Variants in CECR2 observed in about 807,000 individuals in gnomAD.
CECR2 encodes chromatin remodeling regulator CECR2.
A neutral mutation model predicts 154.5 loss-of-function variants in CECR2; 30 were observed. The ratio of observed to expected loss-of-function variants is 0.19; its 90% CI spans 0.15 to 0.26. CECR2 has a LOEUF of 0.26. Ranked by LOEUF, CECR2 falls within the 10% of genes least tolerant of loss-of-function variation. CECR2 has a pLI of 1.00. For missense variants in CECR2, 1,743 were observed against 1,829.3 expected, an observed-to-expected ratio of 0.95 and a Z score of 0.86; for synonymous variants, 725 against 683.7, an observed-to-expected ratio of 1.06 and a Z score of -0.94.
chr22:17,477,055 G>C (rs772973636), intron 1 of CECR2: 1 of 711,208 alleles, frequency 1.4e-6, no homozygotes, highest in Non-Finnish European at 2.6e-6. Context: ...AGCCATGTAG[G>C]TGTGGCATCC....
chr22:17,431,960 T>C (rs1007588135), intron 1 of CECR2, among the ~76,000 whole-genome samples: 4 of 152,294 alleles, frequency 2.6e-5, no homozygotes, highest in Middle Eastern at 3.4e-3. Context: ...CCCCATCCTC[T>C]GGAAACCACT....
intron 3 of CECR2, among the ~76,000 whole-genome samples, chr22:17,498,906 A>G (rs1377197809): frequency 6.6e-6 from 1 of 152,180 alleles, no homozygotes; most frequent in Non-Finnish European, 1.5e-5. Context: ...TGTTCCTCAA[A>G]GTAGGTACCA....
chr22:17,414,043 G>A (rs568941877), intron 1 of CECR2, among the ~76,000 whole-genome samples: 11 of 150,756 alleles, frequency 7.3e-5, no homozygotes, highest in East Asian at 3.9e-4. Flanking sequence ...TGCAATCTCC[G>A]CTCACTGCAA....
chr22:17,498,788 G>A (rs1023183633), intron 3 of CECR2, among the ~76,000 whole-genome samples: 10 of 121,930 alleles, frequency 8.2e-5, no homozygotes, highest in African/African-American at 2.2e-4. Context: ...TAAAACAACC[G>A]CTCCCAGCCA....
chr22:17,378,834 CT>C (rs1210617674), intron 1 of CECR2, among the ~76,000 whole-genome samples: 3 of 152,126 alleles, frequency 2.0e-5, no homozygotes, highest in Non-Finnish European at 4.4e-5. Flanking sequence ...ATTTTTTCCC[CT>C]AAATGCAAAC....
chr22:17,385,507 G>A (rs114527663), intron 1 of CECR2, among the ~76,000 whole-genome samples: 2 of 152,154 alleles, frequency 1.3e-5, no homozygotes, highest in Admixed American at 6.5e-5. Flanking sequence ...CAGAACACAC[G>A]CATTTATCAA....
chr22:17,390,705 A>G (rs574350990), intron 1 of CECR2, among the ~76,000 whole-genome samples: 5 of 152,274 alleles, frequency 3.3e-5, no homozygotes, highest in African/African-American at 9.6e-5. Flanking sequence ...TGGCACCATC[A>G]TAGCTCAGCA....
chr22:17,440,828 C>G (rs1008287491), intron 1 of CECR2, among the ~76,000 whole-genome samples: 6 of 152,040 alleles, frequency 3.9e-5, no homozygotes, highest in Non-Finnish European at 5.9e-5. Context: ...CCTGTGTTTT[C>G]TGGGACTTTT....
chr22:17,534,725 G>T (rs1258594724), intron 9 of CECR2: 1 of 146,596 alleles, frequency 6.8e-6, no homozygotes, highest in East Asian at 2.1e-4. Flanking sequence ...TAGAGACAGG[G>T]TTTCACTGTG....
chr22:17,535,283 A>T (rs1363198736), intron 9 of CECR2, among the ~76,000 whole-genome samples: 1 of 151,902 alleles, frequency 6.6e-6, no homozygotes, highest in South Asian at 2.1e-4. Flanking sequence ...GCACCACTAC[A>T]CTTTAGCCTG....
intron 16 of CECR2, among the ~76,000 whole-genome samples, chr22:17,544,716 G>A (rs973370140): frequency 2.7e-5 from 4 of 148,308 alleles, no homozygotes; most frequent in Non-Finnish European, 5.9e-5. Flanking sequence ...GAGCTGAGGC[G>A]GGAGAATCAC....
intron 7 of CECR2, among the ~76,000 whole-genome samples, chr22:17,509,084 C>T (rs2055895861): frequency 6.6e-6 from 1 of 152,154 alleles, no homozygotes; most frequent in Non-Finnish European, 1.5e-5. Context: ...AACCCCATCT[C>T]TACTAAAAAT....
chr22:17,402,915 G>A (rs547149552), intron 1 of CECR2, among the ~76,000 whole-genome samples: 86 of 152,070 alleles, frequency 5.7e-4, no homozygotes, highest in African/African-American at 1.9e-3. Context: ...GTGCCACCAC[G>A]CCCAGCTAAT....
intron 16 of CECR2, among the ~76,000 whole-genome samples, chr22:17,547,912 C>T (rs1400875285): frequency 1.3e-5 from 2 of 152,086 alleles, no homozygotes; most frequent in Non-Finnish European, 2.9e-5. Context: ...ATTCTCCGGC[C>T]CACTGTAAGA....
intron 1 of CECR2, among the ~76,000 whole-genome samples, chr22:17,390,124 G>A (rs1024728985): frequency 3.3e-5 from 5 of 152,104 alleles, no homozygotes; most frequent in African/African-American, 1.2e-4. Context: ...CTAGGATCAG[G>A]CATTCCATTA....
intron 1 of CECR2, among the ~76,000 whole-genome samples, chr22:17,421,563 C>T (rs1271643455): frequency 1.5e-5 from 2 of 135,752 alleles, no homozygotes; most frequent in African/African-American, 2.8e-5. Context: ...TGCAGTGAGC[C>T]GAGATCCCGC....
At chr22:17,446,387 C>T (rs1241058350) in intron 1 of CECR2, among the ~76,000 whole-genome samples, 1 of 152,064 alleles carries the variant, frequency 6.6e-6, no homozygotes, top group African/African-American at 2.4e-5. Flanking sequence ...AAGAACGAAG[C>T]CACGGAACTT....
intron 2 of CECR2, among the ~76,000 whole-genome samples, chr22:17,488,523 T>A (rs1024225538): frequency 3.9e-5 from 6 of 152,222 alleles, no homozygotes; most frequent in Non-Finnish European, 1.5e-5. Context: ...GCCTAACCTG[T>A]TCTAGAACTG....
chr22:17,417,420 C>T (rs1158575396), intron 1 of CECR2, among the ~76,000 whole-genome samples: 2 of 152,158 alleles, frequency 1.3e-5, no homozygotes, highest in African/African-American at 2.4e-5. Flanking sequence ...GGAAGCAGAT[C>T]TTCTGGATAG....
Sources: allele counts gnomAD v4.1 joint callset (sites outside exome capture counted in the v4.1 genomes callset), GRCh38; gene constraint gnomAD v4.1.1; transcripts MANE v1.5; gene names NCBI Gene and HGNC (gene_info 2026-07-23, HGNC 2026-07-21).